The following ASIC5 variants were observed in gnomAD, a reference collection of about 807,000 sequenced individuals.
ASIC5 encodes the protein bile acid-sensitive ion channel.
A neutral mutation model predicts 51.2 loss-of-function variants in ASIC5; 52 were observed. The observed-to-expected ratio is 1.02, with a 90% CI of 0.81 to 1.28. The LOEUF (loss-of-function observed/expected upper bound fraction) is 1.28. Ranked by LOEUF, ASIC5 falls within the 50% of genes most tolerant of loss-of-function variation. The probability of loss-of-function intolerance (pLI) is 0.00; values close to 1 mark genes in which losing one functional copy is unlikely to be tolerated. For missense variants in ASIC5, 635 were observed against 595.0 expected (o/e 1.07, Z -0.70); for synonymous variants, 231 against 200.7 (o/e 1.15, Z -1.28).
At chr4:155,838,446 G>C (rs955780109) in intron 7 of ASIC5, among the ~76,000 whole-genome samples, 3 of 152,166 alleles carry the variant, frequency 2.0e-5, no homozygotes, top group Non-Finnish European at 4.4e-5. Flanking sequence ...TTCCCAATCA[G>C]TGAGAGGAGT....
At chr4:155,840,993 C>T (rs1014480333) in intron 6 of ASIC5, among the ~76,000 whole-genome samples, 13 of 152,116 alleles carry the variant, frequency 8.5e-5, no homozygotes, top group African/African-American at 3.1e-4. Context: ...CATCTCTGAT[C>T]TCACCAATCA....
rs139427993 is a variant in ASIC5, at chr4:155,842,427, G to A, written c.862-73C>T. 2,392 of 1,377,078 alleles carry A rather than the reference G, an allele frequency of 1.7e-3. 3 individuals are homozygous for A. The highest frequency in any genetic ancestry group is 1.9e-3 in the Non-Finnish European group (1,970 of 1,016,198). 85.3% of individuals were successfully genotyped at this position (1,377,078 alleles called of 1,614,324 possible). A position where few individuals can be genotyped will look rare whatever the true frequency, so the allele number is the denominator to read the frequency against. On this transcript the variant is annotated intron_variant, in intron 5 of 9. Coordinates refer to ENST00000537611, the MANE Select transcript of ASIC5 (RefSeq NM_017419.3). ...TCACTTATTTTCCATCAAGAAGCTGGTACACATTTTTATTTTCCTCTCAGA... is the reference window on the plus strand; with the variant it reads ...TCACTTATTTTCCATCAAGAAGCTGATACACATTTTTATTTTCCTCTCAGA...
chr4:155,855,446 C>T (rs1317193268), intron 2 of ASIC5: 1 of 151,994 alleles, frequency 6.6e-6, no homozygotes, highest in African/African-American at 2.4e-5. Flanking sequence ...TTTTGTTCTG[C>T]ATTCCATATG....
rs1741769103 is a variant in ASIC5 at position 155,863,504 on chromosome 4, C to T, written c.291G>A (p.Glu97=). Reference sequence around the variant, plus strand: ...ACTCCATCTTTTCCACATATTGAACCTCAATGGACGTTGTGGTTGGCCATG... The same window carrying T: ...ACTCCATCTTTTCCACATATTGAACTTCAATGGACGTTGTGGTTGGCCATG... ...YFTWPTTTSI[E]VQYVEKMEFP... is the part of the protein sequence containing the mutation. Residue 97 remains glutamate, a synonymous_variant, in exon 2 of 10, where the codon GAG becomes GAA. Transcript: ENST00000537611. 4 of 1,613,524 alleles carry T rather than the reference C, an allele frequency of 2.5e-6. No homozygotes were observed. Among genetic ancestry groups the T allele is most frequent in the Non-Finnish European group, 3.4e-6 (4 of 1,179,832 alleles).
intron 8 of ASIC5, among the ~76,000 whole-genome samples, chr4:155,832,242 T>G (rs984220090): frequency 6.6e-6 from 1 of 152,236 alleles, no homozygotes; most frequent in Admixed American, 6.5e-5. Context: ...TTCTGTCTTT[T>G]GTTACTTACA....
At chr4:155,857,471 T>C (rs1741574164) in intron 2 of ASIC5, among the ~76,000 whole-genome samples, 1 of 152,104 alleles carries the variant, frequency 6.6e-6, no homozygotes, top group African/African-American at 2.4e-5. Context: ...AGTTTTCCTT[T>C]CAAAAACCTT....
intron 7 of ASIC5, 127 bp from the exon 8 acceptor site, chr4:155,836,984 T>G: frequency 1.6e-6 from 1 of 633,188 alleles, no homozygotes; most frequent in East Asian, 2.9e-5. Flanking sequence ...ACAAATGGTG[T>G]TTACTCTGAA....
At chr4:155,854,014 G>T in intron 3 of ASIC5, 63 bp downstream of exon 3, 2 of 1,263,782 alleles carry the variant, frequency 1.6e-6, no homozygotes, top group Non-Finnish European at 2.3e-6. Context: ...GGAGCTCAAT[G>T]TGAAACAGTG....
chr4:155,838,443 T>A (rs72974474), intron 7 of ASIC5, among the ~76,000 whole-genome samples: 15,357 of 152,192 alleles, frequency 0.1, 1,248 homozygotes, highest in African/African-American at 0.22. Flanking sequence ...CTATTCCCAA[T>A]CAGTGAGAGG....
intron 9 of ASIC5, among the ~76,000 whole-genome samples, chr4:155,831,615 C>CA (rs1278730527): frequency 6.6e-6 from 1 of 151,982 alleles, no homozygotes; most frequent in East Asian, 1.9e-4. Flanking sequence ...ACTAAAAATA[C>CA]AAAAAATTAG....
rs1740878828 is a variant in ASIC5 at position 155,831,907 on chromosome 4, A to G, written c.1244T>C (p.Leu415Pro). Reference protein sequence around the residue: ...NQSRKYIRENLVKIEINYSDL... With the variant: ...NQSRKYIRENPVKIEINYSDL... ...ACTATAGTTAATTTCAATTTTTACA[A>G]GATTCTCCCTAGGGATAAAAAAGAG... is the stretch of plus-strand genomic sequence containing the variant. The change falls in exon 9 of 10, where the codon CTT (leucine) becomes CCT (proline). Residue 415 changes from leucine (L) to proline (P), a missense_variant. Transcript: ENST00000537611. 2.6e-6 allele frequency: 4 copies of G among 1,554,092 alleles called. No homozygotes were observed. The highest frequency in any genetic ancestry group is 3.5e-6 in the Non-Finnish European group (4 of 1,128,022).
chr4:155,848,456 G>C (rs1480202588), intron 4 of ASIC5, among the ~76,000 whole-genome samples: 2 of 151,916 alleles, frequency 1.3e-5, no homozygotes, highest in Non-Finnish European at 2.9e-5. Context: ...AAATGTTATT[G>C]GTAAGTGTTC....
chr4:155,837,159 GAA>G (rs1396546143), intron 7 of ASIC5, among the ~76,000 whole-genome samples: 3 of 5,382 alleles, frequency 5.6e-4, no homozygotes, highest in African/African-American at 2.5e-3. Context: ...TATTTGGACA[GAA>G]GAATATCTGG....
At chr4:155,862,709 A>G (rs2110773927) in intron 2 of ASIC5, among the ~76,000 whole-genome samples, 1 of 152,272 alleles carries the variant, frequency 6.6e-6, no homozygotes, top group Admixed American at 6.5e-5. Context: ...TTCTAAGCTC[A>G]GGGCTCTTTG....
chr4:155,851,782 G>A (rs1017729), intron 4 of ASIC5, among the ~76,000 whole-genome samples: 148,429 of 152,102 alleles, frequency 0.98, 72,456 homozygotes, highest in East Asian at 1. Flanking sequence ...TTCCAGATAT[G>A]CATTCTATAG....
intron 2 of ASIC5, among the ~76,000 whole-genome samples, chr4:155,861,756 G>A (rs998854970): frequency 2.6e-5 from 4 of 151,840 alleles, no homozygotes; most frequent in African/African-American, 9.7e-5. Flanking sequence ...AGTATACCTT[G>A]GCTTGTGGCA....
chr4:155,863,819 G>T, intron 1 of ASIC5, 65 bp from the exon 2 acceptor site: 1 of 1,254,426 alleles, frequency 8.0e-7, no homozygotes, highest in Non-Finnish European at 1.1e-6. Flanking sequence ...AATGCTATCC[G>T]TAAAAAAACA....
chr4:155,847,908 C>A (rs1164341174), intron 4 of ASIC5, among the ~76,000 whole-genome samples: 1 of 151,872 alleles, frequency 6.6e-6, no homozygotes, highest in East Asian at 1.9e-4. Context: ...GTCAAAGGCA[C>A]AATGATGCAA....
At chr4:155,849,039 C>A (rs1274282163) in intron 4 of ASIC5, among the ~76,000 whole-genome samples, 1 of 151,998 alleles carries the variant, frequency 6.6e-6, no homozygotes, top group African/African-American at 2.4e-5. Context: ...TGCATAAGTG[C>A]AATAAGAATC....
Sources: gnomAD v4.1 joint callset for allele counts (sites outside exome capture counted in the v4.1 genomes callset) on GRCh38, gnomAD v4.1.1 for gene constraint, MANE v1.5 for transcripts, NCBI Gene and HGNC (gene_info 2026-07-23, HGNC 2026-07-21) for gene names.